The following ATP8B1 variants were observed in gnomAD, a reference collection of about 807,000 sequenced individuals.
ATP8B1 encodes the protein phospholipid-transporting ATPase IC.
ATP8B1 carries 80 observed loss-of-function variants against 149.9 expected under a neutral mutation model. The observed-to-expected ratio is 0.53, with a 90% CI of 0.45 to 0.64. The LOEUF (loss-of-function observed/expected upper bound fraction) is 0.64, where lower values mean the gene tolerates loss of function less well. ATP8B1 is among the 30% of genes least tolerant of loss of function. The pLI, the probability that ATP8B1 is intolerant of heterozygous loss-of-function variation, is 0.00. For synonymous variants in ATP8B1, 536 were observed against 562.8 expected (o/e 0.95, Z 0.67); for missense variants, 1,247 against 1,552.6 (o/e 0.80, Z 3.31).
chr18:57,769,363 C>T (rs568040589), intron 1 of ATP8B1, among the ~76,000 whole-genome samples: 26 of 152,306 alleles, frequency 1.7e-4, no homozygotes, highest in African/African-American at 5.8e-4. Context: ...TCAAATAAAG[C>T]TAGTTTCTCT....
intron 1 of ATP8B1, among the ~76,000 whole-genome samples, chr18:57,732,345 G>GTGTATATATGTA (rs2079793077): frequency 6.9e-5 from 2 of 28,928 alleles, no homozygotes; most frequent in African/African-American, 3.1e-4. Flanking sequence ...GTATATATAT[G>GTGTATATATGTA]TATATATGTG....
intron 13 of ATP8B1, 152 bp from the exon 14 acceptor site, chr18:57,685,267 T>C (rs930775400): frequency 2.9e-5 from 25 of 868,710 alleles, no homozygotes; most frequent in Non-Finnish European, 4.2e-5. Flanking sequence ...CAGAAAACGT[T>C]AGATGACCCC....
At chr18:57,651,083 A>G (rs1013895355) in intron 26 of ATP8B1, among the ~76,000 whole-genome samples, 6 of 152,196 alleles carry the variant, frequency 3.9e-5, no homozygotes, top group African/African-American at 1.4e-4. Flanking sequence ...TGCATTGATT[A>G]AAAATGCAAA....
In ATP8B1 at chr18:57,759,191, T is replaced by C. The variant is rs1416972545; in HGVS notation, c.-25-27359A>G. Among the ~76,000 whole-genome samples the C allele has an allele frequency of 2.9e-5, 4 of 136,062 alleles. No homozygotes were observed. In the South Asian group the frequency reaches 7.9e-4, roughly 27 times the overall value. 89.3% of individuals were successfully genotyped at this position (136,062 alleles called of 152,430 possible). A position where few individuals can be genotyped will look rare whatever the true frequency, so the allele number is the denominator to read the frequency against. The stretch of plus-strand genomic sequence containing the variant: ...AAAAAAAAAAAAAAAAAGAAATCCA[T>C]AGATCCCACGATGGCTTGCTTCCCT... On this transcript the variant is annotated intron_variant, in intron 1 of 27. Transcript: ENST00000648908.
intron 20 of ATP8B1, among the ~76,000 whole-genome samples, chr18:57,664,336 GTC>G (rs1206340175): frequency 6.6e-6 from 1 of 151,412 alleles, no homozygotes; most frequent in Non-Finnish European, 1.5e-5. Flanking sequence ...GTGAAACTCT[GTC>G]TCTACTAAAA....
At chr18:57,782,803 CTTTTTTT>C (rs79009229) in intron 1 of ATP8B1, among the ~76,000 whole-genome samples, 69 of 91,158 alleles carry the variant, frequency 7.6e-4, no homozygotes, top group African/African-American at 2.7e-3. Context: ...TAGTTTGTCT[CTTTTTTT>C]TTTTTTTTTT....
At chr18:57,772,701 A>G (rs1762485543) in intron 1 of ATP8B1, among the ~76,000 whole-genome samples, 1 of 152,196 alleles carries the variant, frequency 6.6e-6, no homozygotes, top group South Asian at 2.1e-4. Context: ...TGAAGCTTAA[A>G]GTCTAAGGTA....
intron 20 of ATP8B1, among the ~76,000 whole-genome samples, chr18:57,666,826 G>A (rs1910890782): frequency 6.6e-6 from 1 of 152,180 alleles, no homozygotes; most frequent in Non-Finnish European, 1.5e-5. Context: ...ATGAGCCACT[G>A]CGCCTGGCCT....
At position 57,685,197 on chromosome 18, in the gene ATP8B1, G is replaced by A. The variant is rs139622782; in HGVS notation, c.1430-82C>T. On this transcript the variant is annotated intron_variant, in intron 13 of 27. Transcript: ENST00000648908. ...CCTTACCTGGCTTTGCTTATATAGT[G>A]ATGGTGGTAAGACCATATACGGCCT... 348 of 1,492,140 alleles carry A rather than the reference G, an allele frequency of 2.3e-4. 1 individual carries two copies. The African/African-American group carries it at 4.2e-3, about 18-fold the overall frequency. 92.4% of individuals were successfully genotyped at this position (1,492,140 alleles called of 1,614,324 possible).
chr18:57,679,373 C>A (rs992193987), intron 15 of ATP8B1, among the ~76,000 whole-genome samples: 2 of 152,050 alleles, frequency 1.3e-5, no homozygotes, highest in African/African-American at 4.8e-5. Context: ...ATCCCCTGAA[C>A]CTAAAATAAA....
At chr18:57,697,517 G>C in intron 8 of ATP8B1, 101 bp downstream of exon 8, 2 of 1,263,268 alleles carry the variant, frequency 1.6e-6, no homozygotes, top group Non-Finnish European at 2.3e-6. Flanking sequence ...GCAGAGGCAA[G>C]GCCAGATATC....
intron 13 of ATP8B1, among the ~76,000 whole-genome samples, chr18:57,687,439 A>C (rs1181581041): frequency 1.3e-5 from 2 of 152,224 alleles, no homozygotes; most frequent in Non-Finnish European, 2.9e-5. Context: ...GGAGTTATTT[A>C]TATCCTACTG....
chr18:57,752,243 T>TAATAAA (rs386387818), intron 1 of ATP8B1, among the ~76,000 whole-genome samples: 3 of 149,670 alleles, frequency 2.0e-5, no homozygotes, highest in African/African-American at 7.3e-5. Context: ...ATAATAATAA[T>TAATAAA]AAATGATAAT....
At chr18:57,787,963 T>A (rs1012270482) in intron 1 of ATP8B1, among the ~76,000 whole-genome samples, 14 of 151,354 alleles carry the variant, frequency 9.2e-5, no homozygotes, top group Non-Finnish European at 1.9e-4. Context: ...AGCCCAGGAG[T>A]TTGAGGCTGC....
intron 24 of ATP8B1, among the ~76,000 whole-genome samples, chr18:57,653,685 T>C (rs1909791789): frequency 1.7e-5 from 1 of 59,920 alleles, no homozygotes; most frequent in Non-Finnish European, 4.2e-5. Flanking sequence ...CTTTTCTCTT[T>C]TTTTTTTTTT....
chr18:57,647,947 A>G lies in ATP8B1; in HGVS notation c.*541T>C, dbSNP rs1219000373. The G allele has an allele frequency of 1.7e-5, 3 of 181,680 alleles. No homozygotes were observed. Among genetic ancestry groups the G allele is most frequent in the African/African-American group, 7.2e-5 (3 of 41,822 alleles). 11.3% of individuals were successfully genotyped at this position (181,680 alleles called of 1,614,324 possible). ...AGTGATCCACCTGCCTTGGCCTCCCAAAGTGCTAGGATGACAGGCATGAGC... is the reference window on the plus strand; with the variant it reads ...AGTGATCCACCTGCCTTGGCCTCCCGAAGTGCTAGGATGACAGGCATGAGC... On this transcript the variant is annotated 3_prime_UTR_variant, in exon 28 of 28. Coordinates refer to ENST00000648908, the MANE Select transcript of ATP8B1 (RefSeq NM_001374385.1).
intron 1 of ATP8B1, among the ~76,000 whole-genome samples, chr18:57,786,805 A>G (rs2080414797): frequency 6.6e-6 from 1 of 152,184 alleles, no homozygotes; most frequent in Non-Finnish European, 1.5e-5. Flanking sequence ...CAAAAACACA[A>G]TGTGTTCTTC....
At chr18:57,699,687 C>T (rs1438389308) in intron 6 of ATP8B1, among the ~76,000 whole-genome samples, 1 of 151,926 alleles carries the variant, frequency 6.6e-6, no homozygotes, top group South Asian at 2.1e-4. Flanking sequence ...CGCCACTGCA[C>T]TCCAGCCTGG....
At chr18:57,721,193 G>A (rs1370404062) in intron 2 of ATP8B1, among the ~76,000 whole-genome samples, 3 of 132,816 alleles carry the variant, frequency 2.3e-5, no homozygotes, top group Non-Finnish European at 3.3e-5. Flanking sequence ...ATCAACTAAC[G>A]AGCAAAATCA....
Sources: gnomAD v4.1 joint callset for allele counts (sites outside exome capture counted in the v4.1 genomes callset) on GRCh38, gnomAD v4.1.1 for gene constraint, MANE v1.5 for transcripts, NCBI Gene and HGNC (gene_info 2026-07-23, HGNC 2026-07-21) for gene names.